The following LRP1B variants were observed in gnomAD, a reference collection of about 807,000 sequenced individuals.
The protein encoded by LRP1B is LDL receptor related protein 1B.
A neutral mutation model predicts 556.6 loss-of-function variants in LRP1B; 217 were observed. That is an observed-to-expected ratio of 0.39 (90% CI 0.35 to 0.44). The LOEUF (loss-of-function observed/expected upper bound fraction) is 0.44, where lower values mean the gene tolerates loss of function less well. Ranked by LOEUF, LRP1B falls within the 20% of genes least tolerant of loss-of-function variation. The pLI is 1.00. For synonymous variants in LRP1B, 2,047 were observed against 1,865.8 expected (o/e 1.10, Z -2.50); for missense variants, 5,053 against 5,620.8 (o/e 0.90, Z 3.23).
In LRP1B at chr2:141,134,038, T is replaced by G. The variant is rs531503956; in HGVS notation, c.1013+54383A>C. On this transcript the variant is annotated intron_variant, in intron 7 of 90. Transcript: ENST00000389484. ...TTGATCTCTTACTCTTTTATTTCCT[T>G]TCTCAGTGACTAGTACCACCATGCA... is the stretch of plus-strand genomic sequence containing the variant. Among the ~76,000 whole-genome samples, 259 of 151,844 alleles carry G rather than the reference T, an allele frequency of 1.7e-3. 2 individuals are homozygous for G. Among genetic ancestry groups the G allele is most frequent in the Non-Finnish European group, 2.9e-3 (197 of 67,932 alleles).
chr2:140,621,642 C>G (rs936798500), intron 41 of LRP1B, among the ~76,000 whole-genome samples: 5 of 151,680 alleles, frequency 3.3e-5, no homozygotes, highest in Non-Finnish European at 7.4e-5. Context: ...TACAAATACT[C>G]ACATTATTCA....
At chr2:141,318,031 A>G (rs1156604006) in intron 3 of LRP1B, among the ~76,000 whole-genome samples, 2 of 152,160 alleles carry the variant, frequency 1.3e-5, no homozygotes, top group African/African-American at 4.8e-5. Context: ...AAAACAAAAC[A>G]AAACAACAAA....
chr2:141,199,135 G>C (rs1181206733), intron 6 of LRP1B, among the ~76,000 whole-genome samples: 5 of 152,148 alleles, frequency 3.3e-5, no homozygotes, highest in Admixed American at 3.3e-4. Flanking sequence ...TTCTGTTTCA[G>C]TAGATTGCAG....
intron 33 of LRP1B, among the ~76,000 whole-genome samples, chr2:140,774,003 G>T (rs1320027203): frequency 6.6e-6 from 1 of 152,076 alleles, no homozygotes; most frequent in Non-Finnish European, 1.5e-5. Flanking sequence ...AAGTCCACTT[G>T]ATTAATAAGA....
rs554937569 is a variant in LRP1B at position 141,665,826 on chromosome 2, C to T, written c.205+144453G>A. Reference sequence around the variant, plus strand: ...TTATCCTCAGCAAACAAACTAGGTACAGAAAACCAAACACTTGATTTTCTG... The same window carrying T: ...TTATCCTCAGCAAACAAACTAGGTATAGAAAACCAAACACTTGATTTTCTG... On this transcript the variant is annotated intron_variant, in intron 2 of 90. Coordinates refer to ENST00000389484, the MANE Select transcript of LRP1B (RefSeq NM_018557.3). Among the ~76,000 whole-genome samples, 11 of 152,144 alleles carry T rather than the reference C, an allele frequency of 7.2e-5. No individual in the cohort carries two copies. The South Asian group carries it at 1.5e-3, about 20-fold the overall frequency.
intron 2 of LRP1B, among the ~76,000 whole-genome samples, chr2:141,708,817 G>A (rs1485034479): frequency 6.6e-6 from 1 of 152,066 alleles, no homozygotes; most frequent in Non-Finnish European, 1.5e-5. Flanking sequence ...AGAGATGCAT[G>A]CACAAAGAAA....
chr2:141,510,349 C>G (rs1412770342), intron 2 of LRP1B, among the ~76,000 whole-genome samples: 1 of 151,898 alleles, frequency 6.6e-6, no homozygotes, highest in African/African-American at 2.4e-5. Context: ...CTTTTTTACA[C>G]AAAAATGCCG....
intron 62 of LRP1B, 34 bp downstream of exon 62, chr2:140,456,421 C>T (rs754166270): frequency 6.3e-7 from 1 of 1,596,794 alleles, no homozygotes; most frequent in Non-Finnish European, 8.5e-7. Flanking sequence ...TTTCACCATA[C>T]ACTCTATAAT....
chr2:141,017,417 T>A (rs201849644), intron 12 of LRP1B, among the ~76,000 whole-genome samples: 81,598 of 149,114 alleles, frequency 0.55, 23,334 homozygotes, highest in Admixed American at 0.62. Flanking sequence ...TGGCAACATG[T>A]TTTTTTTTTC....
At chr2:140,336,554 C>T (rs1681112632) in intron 77 of LRP1B, among the ~76,000 whole-genome samples, 1 of 151,890 alleles carries the variant, frequency 6.6e-6, no homozygotes. Flanking sequence ...GTGAGAAAAA[C>T]TCAGATGCTC....
chr2:140,895,279 T>G (rs1693917781), intron 23 of LRP1B, among the ~76,000 whole-genome samples: 1 of 152,212 alleles, frequency 6.6e-6, no homozygotes, highest in Non-Finnish European at 1.5e-5. Flanking sequence ...ATAATGTTAT[T>G]TGCAATGTTA....
chr2:141,273,626 T>C (rs1685172325), intron 3 of LRP1B, among the ~76,000 whole-genome samples: 1 of 152,154 alleles, frequency 6.6e-6, no homozygotes. Context: ...GAGAAAACTC[T>C]TAGAAGAAAA....
chr2:140,640,507 C>T (rs866830663), intron 41 of LRP1B, among the ~76,000 whole-genome samples: 38 of 140,428 alleles, frequency 2.7e-4, no homozygotes, highest in East Asian at 6.8e-4. Context: ...GCCATTCTCC[C>T]GCCTCAGCCT....
rs59661474 is a variant in LRP1B at position 141,053,828 on chromosome 2, A to ATGTGTGTGTG, written c.1552+1278_1552+1287dup. On this transcript the variant is annotated intron_variant, in intron 10 of 90. Transcript: ENST00000389484. ...TATGCACATATGCATGTGTGTATAT[A>ATGTGTGTGTG]TGTGTGTGTGTGTGTGTGTGATTAT... Among the ~76,000 whole-genome samples the ATGTGTGTGTG allele has an allele frequency of 2.9e-3, 440 of 150,234 alleles. 1 individual carries two copies. Among genetic ancestry groups the ATGTGTGTGTG allele is most frequent in the East Asian group, 0.028 (139 of 4,980 alleles).
At chr2:141,912,161 C>G (rs993810500) in intron 1 of LRP1B, among the ~76,000 whole-genome samples, 1 of 152,136 alleles carries the variant, frequency 6.6e-6, no homozygotes, top group East Asian at 1.9e-4. Context: ...TTTTGGCTAT[C>G]ATCTGTGCAT....
chr2:141,950,767 C>T (rs1424695769), intron 1 of LRP1B, among the ~76,000 whole-genome samples: 1 of 151,952 alleles, frequency 6.6e-6, no homozygotes, highest in Non-Finnish European at 1.5e-5. Flanking sequence ...CAATTATTTT[C>T]ATTAGGTAAC....
At chr2:140,748,828 CAT>C (rs70988429) in intron 35 of LRP1B, among the ~76,000 whole-genome samples, 1 of 79,520 alleles carries the variant, frequency 1.3e-5, no homozygotes, top group Non-Finnish European at 2.6e-5. Flanking sequence ...TAATATATAT[CAT>C]ATATTATATA....
At chr2:140,504,571 G>C (rs562315408) in intron 53 of LRP1B, among the ~76,000 whole-genome samples, 1 of 152,230 alleles carries the variant, frequency 6.6e-6, no homozygotes, top group South Asian at 2.1e-4. Flanking sequence ...ATAGCTTTAT[G>C]TGATTGTCTG....
chr2:142,008,971 T>C (rs778771798), intron 1 of LRP1B, among the ~76,000 whole-genome samples: 1 of 152,076 alleles, frequency 6.6e-6, no homozygotes, highest in Non-Finnish European at 1.5e-5. Context: ...CCCTGTTAGG[T>C]TGCTGAAGAT....
Sources: allele counts gnomAD v4.1 joint callset (sites outside exome capture counted in the v4.1 genomes callset), GRCh38; gene constraint gnomAD v4.1.1; transcripts MANE v1.5; gene names NCBI Gene and HGNC (gene_info 2026-07-23, HGNC 2026-07-21).